OPCML: variants seen among roughly 807,000 people sequenced by gnomAD.
OPCML encodes the protein opioid binding protein/cell adhesion molecule like.
OPCML carries 13 observed loss-of-function variants against 37.8 expected under a neutral mutation model. The observed-to-expected ratio is 0.34, with a 90% confidence interval of 0.22 to 0.55. The LOEUF (loss-of-function observed/expected upper bound fraction) is 0.55. Among genes scored for constraint, OPCML ranks in the 20% least tolerant of loss-of-function variants. The probability of loss-of-function intolerance (pLI) is 0.91; values close to 1 mark genes in which losing one functional copy is unlikely to be tolerated. For synonymous variants in OPCML, 176 were observed against 168.8 expected, an observed-to-expected ratio of 1.04 and a Z score of -0.33; for missense variants, 341 against 435.6, an observed-to-expected ratio of 0.78 and a Z score of 1.93.
At chr11:133,199,722 T>C (rs1333354035) in intron 1 of OPCML, among the ~76,000 whole-genome samples, 1 of 152,230 alleles carries the variant, frequency 6.6e-6, no homozygotes, top group Admixed American at 6.5e-5. Flanking sequence ...CCTAAAGGCC[T>C]CTAATCCTTA....
chr11:132,958,246 T>TA (rs1487749555), intron 1 of OPCML, among the ~76,000 whole-genome samples: 8 of 152,228 alleles, frequency 5.3e-5, no homozygotes, highest in Non-Finnish European at 7.3e-5. Context: ...AACATTCTAT[T>TA]AAGCCAAAGC....
chr11:133,144,174 C>T (rs1437044031), intron 1 of OPCML, among the ~76,000 whole-genome samples: 1 of 152,138 alleles, frequency 6.6e-6, no homozygotes, highest in Non-Finnish European at 1.5e-5. Flanking sequence ...ACTAGAAAAA[C>T]AGGGAAAAAA....
intron 3 of OPCML, among the ~76,000 whole-genome samples, chr11:132,578,008 AT>A (rs1005277932): frequency 2.6e-5 from 4 of 152,176 alleles, no homozygotes; most frequent in African/African-American, 7.2e-5. Flanking sequence ...GTAGATGCAC[AT>A]ATACAAGATA....
intron 2 of OPCML, among the ~76,000 whole-genome samples, chr11:132,701,909 AC>A (rs1943841445): frequency 6.6e-6 from 1 of 151,826 alleles, no homozygotes; most frequent in Non-Finnish European, 1.5e-5. Flanking sequence ...ATAACCGTCT[AC>A]TTTAAGCTGA....
chr11:133,030,443 G>T (rs1462881575), intron 1 of OPCML, among the ~76,000 whole-genome samples: 1 of 152,114 alleles, frequency 6.6e-6, no homozygotes, highest in Non-Finnish European at 1.5e-5. Context: ...TCTCTCTCCT[G>T]AACCACATAT....
chr11:132,676,397 C>T (rs546620593), intron 2 of OPCML, among the ~76,000 whole-genome samples: 3 of 151,490 alleles, frequency 2.0e-5, no homozygotes, highest in Admixed American at 6.6e-5. Flanking sequence ...ATATATAACA[C>T]CTAAAGTATA....
chr11:133,011,285 C>T (rs11601407), intron 1 of OPCML, among the ~76,000 whole-genome samples: 27,903 of 152,124 alleles, frequency 0.18, 3,152 homozygotes, highest in African/African-American at 0.31. Context: ...ATTTCAACTT[C>T]CACAGAAGAA....
At chr11:132,659,702 TCC>T (rs1416718308) in intron 2 of OPCML, among the ~76,000 whole-genome samples, 1 of 147,838 alleles carries the variant, frequency 6.8e-6, no homozygotes, top group African/African-American at 2.7e-5. Flanking sequence ...GTCACAAAAT[TCC>T]TGTGTGTGTG....
chr11:132,486,207 G>A (rs921353509), intron 4 of OPCML, among the ~76,000 whole-genome samples: 6 of 152,164 alleles, frequency 3.9e-5, no homozygotes, highest in African/African-American at 1.2e-4. Flanking sequence ...TGGCCCCAGT[G>A]CTGTGGGGAT....
intron 1 of OPCML, among the ~76,000 whole-genome samples, chr11:133,164,943 A>G (rs766754395): frequency 6.6e-6 from 1 of 152,244 alleles, no homozygotes; most frequent in Non-Finnish European, 1.5e-5. Flanking sequence ...AATGCTTATT[A>G]GAATAGCTGG....
intron 2 of OPCML, among the ~76,000 whole-genome samples, chr11:132,769,514 C>A (rs943614149): frequency 6.6e-6 from 1 of 152,202 alleles, no homozygotes; most frequent in African/African-American, 2.4e-5. Flanking sequence ...CCTCCCATAG[C>A]TCACACACAG....
chr11:132,715,019 G>A lies in OPCML; in HGVS notation c.147-57700C>T, dbSNP rs192983211. Among the ~76,000 whole-genome samples, 124 of 152,246 alleles carry A rather than the reference G, an allele frequency of 8.1e-4. 1 individual carries two copies. The highest frequency in any genetic ancestry group is 2.7e-3 in the African/African-American group (112 of 41,548). Reference sequence around the variant, plus strand: ...GCTCCAATCCTAGTGACACTTAATGGGGTCTCTGCCATCTTCCCTGCTCAT... The same window carrying A: ...GCTCCAATCCTAGTGACACTTAATGAGGTCTCTGCCATCTTCCCTGCTCAT... On this transcript the variant is annotated intron_variant, in intron 2 of 7. Transcript: ENST00000524381.
At chr11:132,461,549 C>G (rs11604469) in intron 4 of OPCML, among the ~76,000 whole-genome samples, 4,716 of 151,876 alleles carry the variant, frequency 0.031, 83 homozygotes, top group Non-Finnish European at 0.046. Context: ...CATGGGTAAA[C>G]AAAAAAATGG....
intron 1 of OPCML, among the ~76,000 whole-genome samples, chr11:133,465,515 G>A (rs1565649866): frequency 6.6e-6 from 1 of 152,198 alleles, no homozygotes; most frequent in Non-Finnish European, 1.5e-5. Context: ...TCAGCTGCGT[G>A]CTAAGCACTG....
chr11:133,339,612 T>C (rs1237425684), intron 1 of OPCML, among the ~76,000 whole-genome samples: 1 of 152,146 alleles, frequency 6.6e-6, no homozygotes, highest in Non-Finnish European at 1.5e-5. Flanking sequence ...CTTCTTTGAA[T>C]CTTAGCCACT....
intron 1 of OPCML, among the ~76,000 whole-genome samples, chr11:133,058,260 C>T (rs1024720909): frequency 1.3e-5 from 2 of 152,118 alleles, no homozygotes; most frequent in Non-Finnish European, 2.9e-5. Flanking sequence ...AAAGAAATCA[C>T]CGAGAGGTGA....
chr11:133,230,808 G>T (rs1195238458), intron 1 of OPCML, among the ~76,000 whole-genome samples: 1 of 152,148 alleles, frequency 6.6e-6, no homozygotes, highest in African/African-American at 2.4e-5. Context: ...GCATTTCCAT[G>T]TTGCAGGACT....
intron 1 of OPCML, among the ~76,000 whole-genome samples, chr11:133,411,644 T>C (rs1033799716): frequency 3.3e-5 from 5 of 152,152 alleles, no homozygotes; most frequent in Admixed American, 3.3e-4. Flanking sequence ...CATTATTCCA[T>C]GTTCCTCTCA....
chr11:133,470,455 C>G (rs1171837085), intron 1 of OPCML, among the ~76,000 whole-genome samples: 2 of 152,218 alleles, frequency 1.3e-5, no homozygotes, highest in Admixed American at 6.5e-5. Flanking sequence ...ACAGCTCCCC[C>G]ATCCCTGTGA....
Sources: allele counts gnomAD v4.1 joint callset (sites outside exome capture counted in the v4.1 genomes callset), GRCh38; gene constraint gnomAD v4.1.1; transcripts MANE v1.5; gene names NCBI Gene and HGNC (gene_info 2026-07-23, HGNC 2026-07-21).